The following TOGARAM1 variants were observed in gnomAD, a reference collection of about 807,000 sequenced individuals.
TOGARAM1 encodes TOG array regulator of axonemal microtubules 1, also known as TOG array regulator of axonemal microtubules protein 1.
TOGARAM1 carries 100 observed loss-of-function variants against 166.6 expected under a neutral mutation model. The ratio of observed to expected loss-of-function variants is 0.60; its 90% CI spans 0.51 to 0.71. The LOEUF is 0.71. Ranked by LOEUF, TOGARAM1 falls within the 30% of genes least tolerant of loss-of-function variation. TOGARAM1 has a pLI of 0.00. For synonymous variants in TOGARAM1, 758 were observed against 763.8 expected (o/e 0.99, Z 0.13); for missense variants, 2,029 against 2,102.7 (o/e 0.96, Z 0.69).
In TOGARAM1 at chr14:45,044,648, G is replaced by A. The variant is rs201399500; in HGVS notation, c.3932G>A (p.Arg1311His). Reference sequence around the variant, plus strand: ...ATTTTTTTTTAGGTGAAAAATTTACGTTCTGGAGTTTCTCGTGCTGCTGTG... The same window carrying A: ...ATTTTTTTTTAGGTGAAAAATTTACATTCTGGAGTTTCTCGTGCTGCTGTG... ...FAVVQEVKNL[R>H]SGVSRAAVVC... Residue 1311 changes from arginine to histidine, a missense_variant, in exon 13 of 20, where the codon CGT (arginine) becomes CAT (histidine). Around this residue, in one of 2 missense-constraint regions of TOGARAM1, gnomAD observed 576 missense variants for 670.5 expected, o/e 0.86. Transcript: ENST00000361462. The A allele has an allele frequency of 6.3e-5, 101 of 1,591,524 alleles. No individual in the cohort carries two copies. Among genetic ancestry groups the A allele is most frequent in the Non-Finnish European group, 8.4e-5 (98 of 1,170,886 alleles).
At chr14:45,029,020 A>G (rs1418351060) in intron 10 of TOGARAM1, among the ~76,000 whole-genome samples, 1 of 152,200 alleles carries the variant, frequency 6.6e-6, no homozygotes. Context: ...AAGTAAAAAT[A>G]AAAAAGATTT....
rs558991301 is a variant in TOGARAM1 at position 45,062,075 on chromosome 14, A to G, written c.4560-4503A>G. On this transcript the variant is annotated intron_variant, in intron 16 of 19. Coordinates refer to ENST00000361462, the MANE Select transcript of TOGARAM1 (RefSeq NM_001308120.2). ...TGTTCTATATTACTGACTATTTTAT[A>G]TCTACTTGAAAGAATGTACATTCTG... Among the ~76,000 whole-genome samples the G allele has an allele frequency of 3.0e-4, 46 of 152,202 alleles. No homozygotes were observed. In the South Asian group the frequency reaches 9.3e-3, roughly 31 times the overall value.
chr14:45,028,333 A>G lies in TOGARAM1; in HGVS notation c.3658+4A>G. 1 of 1,581,932 alleles carries G rather than the reference A, an allele frequency of 6.3e-7. No homozygotes were observed. The highest frequency in any genetic ancestry group is 1.4e-5 in the African/African-American group (1 of 72,602). On this transcript the variant is annotated splice_donor_region_variant and intron_variant, in intron 10 of 19. Coordinates refer to ENST00000361462, the MANE Select transcript of TOGARAM1 (RefSeq NM_001308120.2). ...ACTGAGAAAATGGCATCTGAAAGTA[A>G]GTGGAATTTAAGTTTTGGTATTTTT...
chr14:44,987,133 G>A lies in TOGARAM1; in HGVS notation c.2047-8613G>A, dbSNP rs530013589. On this transcript the variant is annotated intron_variant, in intron 1 of 19. Coordinates refer to ENST00000361462, the MANE Select transcript of TOGARAM1 (RefSeq NM_001308120.2). ...AATTTTTTGTATTTTTAGTAGAGAC[G>A]GGGTTTCACCATGTTGGCCAGGATG... Among the ~76,000 whole-genome samples, 333 of 151,840 alleles carry A rather than the reference G, an allele frequency of 2.2e-3. 1 individual carries two copies. Among genetic ancestry groups the A allele is most frequent in the African/African-American group, 7.5e-3 (309 of 41,406 alleles).
chr14:45,063,272 T>C (rs1882981946), intron 16 of TOGARAM1, among the ~76,000 whole-genome samples: 1 of 152,140 alleles, frequency 6.6e-6, no homozygotes, highest in Non-Finnish European at 1.5e-5. Flanking sequence ...TGGACATATG[T>C]TTTCAGTTCT....
intron 1 of TOGARAM1, among the ~76,000 whole-genome samples, chr14:44,983,025 G>C (rs927737411): frequency 6.6e-6 from 1 of 152,192 alleles, no homozygotes; most frequent in African/African-American, 2.4e-5. Context: ...AACAGGATAA[G>C]TTATTACTGT....
At chr14:45,047,302 G>A (rs1014375182) in intron 14 of TOGARAM1, among the ~76,000 whole-genome samples, 1 of 151,444 alleles carries the variant, frequency 6.6e-6, no homozygotes, top group African/African-American at 2.4e-5. Context: ...TGAGGCAGGA[G>A]AATCGCTTGA....
At chr14:45,033,051 A>G (rs1264180254) in intron 11 of TOGARAM1, among the ~76,000 whole-genome samples, 1 of 152,282 alleles carries the variant, frequency 6.6e-6, no homozygotes, top group African/African-American at 2.4e-5. Flanking sequence ...GGAGTTCAAG[A>G]CTAGCCTGGC....
At chr14:45,037,372 C>T (rs10140308) in intron 11 of TOGARAM1, among the ~76,000 whole-genome samples, 7,056 of 152,242 alleles carry the variant, frequency 0.046, 531 homozygotes, top group African/African-American at 0.16. Flanking sequence ...CTTTTGCTGT[C>T]ACACTCAATA....
chr14:45,023,945 T>TGGCCAGGCTGGTC (rs1880677830), intron 7 of TOGARAM1, among the ~76,000 whole-genome samples: 1 of 152,172 alleles, frequency 6.6e-6, no homozygotes, highest in African/African-American at 2.4e-5. Context: ...TTCACCATGT[T>TGGCCAGGCTGGTC]GGCCAGGCTG....
At chr14:45,025,930 C>A (rs1880814939) in intron 8 of TOGARAM1, 58 bp downstream of exon 8, 1 of 860,590 alleles carries the variant, frequency 1.2e-6, no homozygotes, top group South Asian at 1.6e-5. Flanking sequence ...GAAGCAAAGC[C>A]TATCAATAAG....
At chr14:45,016,456 C>T (rs1319487008) in intron 7 of TOGARAM1, among the ~76,000 whole-genome samples, 1 of 152,106 alleles carries the variant, frequency 6.6e-6, no homozygotes, top group East Asian at 1.9e-4. Context: ...CCAAGGCGGG[C>T]GGATCACGAG....
intron 3 of TOGARAM1, among the ~76,000 whole-genome samples, chr14:45,001,085 T>C (rs1887671702): frequency 6.6e-6 from 1 of 152,176 alleles, no homozygotes; most frequent in Non-Finnish European, 1.5e-5. Context: ...GCTGTACTAA[T>C]TTAGCTTCCC....
chr14:45,065,819 G>A (rs1170207762), intron 16 of TOGARAM1, among the ~76,000 whole-genome samples: 1 of 152,212 alleles, frequency 6.6e-6, no homozygotes, highest in Non-Finnish European at 1.5e-5. Flanking sequence ...TCTGGAGGAT[G>A]AGTTTTTTGA....
intron 1 of TOGARAM1, among the ~76,000 whole-genome samples, chr14:44,994,428 C>CT (rs1408724147): frequency 1.3e-5 from 2 of 151,556 alleles, no homozygotes; most frequent in East Asian, 3.9e-4. Flanking sequence ...TGAGGGCATT[C>CT]TTTTTTTTGA....
intron 10 of TOGARAM1, 36 bp from the exon 11 acceptor site, chr14:45,032,187 G>T (rs765658428): frequency 3.8e-6 from 6 of 1,569,936 alleles, no homozygotes; most frequent in Non-Finnish European, 5.2e-6. Context: ...TTTTAAAAAG[G>T]TTCTCTCATA....
In TOGARAM1 at chr14:45,027,361, G is replaced by A. The variant is rs141529951; in HGVS notation, c.3391G>A (p.Glu1131Lys). ...TCSQSVISSVENGDTFSIKQS... is the reference protein window; with the variant it reads ...TCSQSVISSVKNGDTFSIKQS... ...CAGCCAATCAGTGATATCTTCTGTG[G>A]AAAATGGGGATACATTTTCAATTAA... Residue 1131 changes from glutamate (E) to lysine (K), a missense_variant, in exon 9 of 20, where the codon GAA becomes AAA. Around this residue, in one of 2 missense-constraint regions of TOGARAM1, gnomAD observed 1,453 missense variants for 1,432.2 expected, o/e 1.01. Transcript: ENST00000361462. 1.6e-3 allele frequency: 2,508 copies of A among 1,613,690 alleles called. 7 individuals carry two copies. The highest frequency in any genetic ancestry group is 1.9e-3 in the Non-Finnish European group (2,217 of 1,179,902).
rs775840250 is a variant in TOGARAM1 at position 44,995,836 on chromosome 14, G to A, written c.2137G>A (p.Val713Ile). 26 of 1,610,024 alleles carry A rather than the reference G, an allele frequency of 1.6e-5. 1 individual carries two copies. The South Asian group carries it at 2.7e-4, about 17-fold the overall frequency. Residue 713 changes from valine (V) to isoleucine (I), a missense_variant, in exon 2 of 20, where the codon GTA becomes ATA. This residue lies in a region of TOGARAM1 where 1,453 missense variants were observed against 1,432.2 expected (regional missense o/e 1.01). Coordinates refer to ENST00000361462, the MANE Select transcript of TOGARAM1 (RefSeq NM_001308120.2). ...TGATTTATGTTTTAGCAGAAAAAGA[G>A]TATCAAGAAACTTATTTCAGAATAG... ...NDDLCFSRKR[V>I]SRNLFQNSRD...
Position 45,064,136 on chromosome 14 carries a change from G to C in TOGARAM1, c.4560-2442G>C, listed in dbSNP as rs967878884. The stretch of plus-strand genomic sequence containing the variant: ...TCCCTATCTGTCTTTACTATAGTCA[G>C]AGTTAAGAACAGTTGTTCTCCCTTA... On this transcript the variant is annotated intron_variant, in intron 16 of 19. Coordinates refer to ENST00000361462, the MANE Select transcript of TOGARAM1 (RefSeq NM_001308120.2). Among the ~76,000 whole-genome samples the C allele has an allele frequency of 3.3e-5, 5 of 152,086 alleles. No individual in the cohort carries two copies. In the East Asian group the frequency reaches 9.7e-4, roughly 29 times the overall value.
Sources: allele counts gnomAD v4.1 joint callset (sites outside exome capture counted in the v4.1 genomes callset), GRCh38; gene constraint gnomAD v4.1.1; regional missense constraint gnomAD v4.1.1; transcripts MANE v1.5; gene names NCBI Gene and HGNC (gene_info 2026-07-23, HGNC 2026-07-21).